The following CCDC136 variants were observed in gnomAD, a reference collection of about 807,000 sequenced individuals.
CCDC136 encodes the protein coiled-coil domain-containing protein 136.
A neutral mutation model predicts 141.2 loss-of-function variants in CCDC136; 100 were observed. That is an observed-to-expected ratio of 0.71 (90% CI 0.60 to 0.84). The LOEUF is 0.84. CCDC136 is among the 40% of genes least tolerant of loss of function. The probability of loss-of-function intolerance (pLI) is 0.00; values close to 1 mark genes in which losing one functional copy is unlikely to be tolerated. For synonymous variants in CCDC136, 474 were observed against 531.9 expected, an observed-to-expected ratio of 0.89 and a Z score of 1.50; for missense variants, 1,206 against 1,379.4, an observed-to-expected ratio of 0.87 and a Z score of 1.99.
chr7:128,795,313 C>T (rs1802776625), intron 3 of CCDC136, among the ~76,000 whole-genome samples: 3 of 152,068 alleles, frequency 2.0e-5, no homozygotes, highest in Admixed American at 2.0e-4. Context: ...ACCCACGTCC[C>T]TTTGTCTCTG....
Position 128,797,099 on chromosome 7 carries a change from A to G in CCDC136, c.346+2331A>G, listed in dbSNP as rs1301782199. 2.6e-5 allele frequency among the ~76,000 whole-genome samples: 4 copies of G among 152,164 alleles called. No individual in the cohort carries two copies. In the East Asian group the frequency reaches 7.7e-4, roughly 29 times the overall value. Reference sequence around the variant, plus strand: ...TTGCTAATGAATTCGATCAGGGGATAACAGAGACATGAAAGATGACTTTGC... The same window carrying G: ...TTGCTAATGAATTCGATCAGGGGATGACAGAGACATGAAAGATGACTTTGC... On this transcript the variant is annotated intron_variant, in intron 3 of 17. Transcript: ENST00000297788.
intron 13 of CCDC136, 47 bp downstream of exon 13, chr7:128,812,359 G>A: frequency 6.4e-7 from 1 of 1,561,714 alleles, no homozygotes; most frequent in Non-Finnish European, 8.7e-7. Context: ...ATGGACTCTT[G>A]TCTTTTTAAG....
rs943979148 is a variant in CCDC136, at chr7:128,806,365, A to G, written c.1218A>G (p.Lys406=). ...QTELRQLKVM[K]STLVENQSEK... is the part of the protein sequence containing the mutation. ...AGCTCCGGCAGCTCAAAGTCATGAA[A>G]TCCACACTTGTAGAAAACCAGAGTG... Residue 406 remains lysine (K), a synonymous_variant, in exon 8 of 18, where the codon AAA becomes AAG. Coordinates refer to ENST00000297788, the MANE Select transcript of CCDC136 (RefSeq NM_022742.5). 6.2e-7 allele frequency: 1 copy of G among 1,605,560 alleles called. No homozygotes were observed. The highest frequency in any genetic ancestry group is 8.5e-7 in the Non-Finnish European group (1 of 1,175,916).
upstream of CCDC136, chr7:128,791,329 A>C: frequency 2.6e-6 from 1 of 382,666 alleles, no homozygotes; most frequent in Non-Finnish European, 4.4e-6. The surrounding 1 kb of genome is among the most constrained non-coding windows in gnomAD (Gnocchi z 7.1). Flanking sequence ...GAGTGCTGGG[A>C]GGGCTTCCGG....
intron 17 of CCDC136, among the ~76,000 whole-genome samples, chr7:128,820,304 G>T (rs1807263827): frequency 6.6e-6 from 1 of 152,166 alleles, no homozygotes; most frequent in African/African-American, 2.4e-5. Flanking sequence ...AAAGATCATA[G>T]AAAATTCTGT....
chr7:128,811,838 G>A lies in CCDC136; in HGVS notation c.2067G>A (p.Gln689=). 1 of 1,605,778 alleles carries A rather than the reference G, an allele frequency of 6.2e-7. No homozygotes were observed. The highest frequency in any genetic ancestry group is 1.1e-5 in the South Asian group (1 of 89,824). Residue 689 remains glutamine, a synonymous_variant, in exon 13 of 18, where the codon CAG becomes CAA. Transcript: ENST00000297788. ...TCATGGAGCAGATGCAGGCCCTGCA[G>A]GTGATGTATGACGCCGGTCAGGCGA... is the stretch of plus-strand genomic sequence containing the variant. ...KLLMEQMQAL[Q]VMYDAGQAKQ... is the part of the protein sequence containing the mutation.
rs1486569275 is a variant in CCDC136, at chr7:128,807,542, TAAG to T, written c.1603_1605del (p.Lys535del). 1 of 1,429,622 alleles carries T rather than the reference TAAG, an allele frequency of 7.0e-7. No homozygotes were observed. The allele number at this position is 1,429,622 out of a possible 1,614,324, so 88.6% of individuals were successfully genotyped here. A position where few individuals can be genotyped will look rare whatever the true frequency, so the allele number is the denominator to read the frequency against. ...CGGAGGACAAAGGAAAGTGTGCTAA[TAAG>T]GTAATTGTCGTTCAGAGAGGTGACA... On this transcript the variant is annotated inframe_deletion and splice_region_variant, in exon 10 of 18. Transcript: ENST00000297788.
In CCDC136 at chr7:128,806,264, A is replaced by G. The variant is rs1204226824; in HGVS notation, c.1117A>G (p.Thr373Ala). 1.3e-6 allele frequency: 2 copies of G among 1,575,864 alleles called. No homozygotes were observed. Among genetic ancestry groups the G allele is most frequent in the East Asian group, 2.3e-5 (1 of 43,124 alleles). ...QNEELKSRLCTLQKKYDTSQD... is the reference protein window; with the variant it reads ...QNEELKSRLCALQKKYDTSQD... Reference sequence around the variant, plus strand: ...TGAGGAGCTGAAGTCCAGACTCTGTACCCTGCAGAAAAAATATGATACTAG... The same window carrying G: ...TGAGGAGCTGAAGTCCAGACTCTGTGCCCTGCAGAAAAAATATGATACTAG... Residue 373 changes from threonine (T) to alanine (A), a missense_variant, in exon 8 of 18, where the codon ACC (threonine) becomes GCC (alanine). Transcript: ENST00000297788.
intron 1 of CCDC136, 109 bp downstream of exon 1, chr7:128,792,536 A>C: frequency 1.3e-6 from 1 of 764,492 alleles, no homozygotes; most frequent in Non-Finnish European, 2.1e-6. Flanking sequence ...CCCTTCCCTC[A>C]GTTCATCTTA....
rs574070118 is a variant in CCDC136, at chr7:128,806,673, C to G, written c.1249-15C>G. On this transcript the variant is annotated splice_polypyrimidine_tract_variant and intron_variant, in intron 8 of 17. Coordinates refer to ENST00000297788, the MANE Select transcript of CCDC136 (RefSeq NM_022742.5). ...AGGAGCCCAAAGGCACTGCCCAAAG[C>G]CCCCTCTACCATAGGAGTTACTGTG... is the stretch of plus-strand genomic sequence containing the variant. The G allele has an allele frequency of 6.2e-7, 1 of 1,604,662 alleles. No homozygotes were observed. The highest frequency in any genetic ancestry group is 2.2e-5 in the East Asian group (1 of 44,722).
chr7:128,810,411 A>AGCATGGCAGAGAGAGTGG, intron 12 of CCDC136, 45 bp downstream of exon 12: 1 of 1,393,158 alleles, frequency 7.2e-7, no homozygotes. Flanking sequence ...TGAGCACAAC[A>AGCATGGCAGAGAGAGTGG]GCATGGCAGA....
chr7:128,815,998 T>C, intron 16 of CCDC136, 67 bp downstream of exon 16: 1 of 1,476,368 alleles, frequency 6.8e-7, no homozygotes, highest in African/African-American at 1.4e-5. Flanking sequence ...TCCGAGTTAA[T>C]GGGTGGCCCT....
chr7:128,812,661 C>A, intron 13 of CCDC136, 47 bp from the exon 14 acceptor site: 1 of 1,456,440 alleles, frequency 6.9e-7, no homozygotes, highest in Non-Finnish European at 9.5e-7. Context: ...TAGGGCGGAG[C>A]TTAGGTGCTC....
chr7:128,815,458 C>G (rs1215089501), intron 15 of CCDC136, among the ~76,000 whole-genome samples, 156 bp from the exon 16 acceptor site: 1 of 152,148 alleles, frequency 6.6e-6, no homozygotes, highest in Non-Finnish European at 1.5e-5. Context: ...TCTACATATG[C>G]TCAGGGGATT....
At chr7:128,804,892 G>T in intron 5 of CCDC136, 131 bp downstream of exon 5, 1 of 617,824 alleles carries the variant, frequency 1.6e-6, no homozygotes, top group Non-Finnish European at 2.9e-6. Context: ...CCTTTCCATG[G>T]TTTCCAAAGG....
At chr7:128,800,540 C>T (rs1444466834) in intron 3 of CCDC136, among the ~76,000 whole-genome samples, 3 of 152,098 alleles carry the variant, frequency 2.0e-5, no homozygotes, top group South Asian at 4.1e-4. Context: ...AGTGATCCAC[C>T]TGCCTTGGCC....
Position 128,806,838 on chromosome 7 carries a change from T to C in CCDC136, c.1399T>C (p.Phe467Leu), listed in dbSNP as rs762927367. The change falls in exon 9 of 18, where the codon TTC becomes CTC. Residue 467 changes from phenylalanine (F) to leucine (L), a missense_variant. By Grantham distance (22) the Phe-to-Leu change is conservative. Coordinates refer to ENST00000297788, the MANE Select transcript of CCDC136 (RefSeq NM_022742.5). ...GCACCTCAGGGATACGGTGGCCTCC[T>C]TCAAAGAGAGCAATGAGAAGGTAAA... The part of the protein sequence containing the change: ...LQHLRDTVAS[F>L]KESNEKDTET... 6.2e-7 allele frequency: 1 copy of C among 1,608,242 alleles called. No homozygotes were observed. Among genetic ancestry groups the C allele is most frequent in the East Asian group, 2.2e-5 (1 of 44,796 alleles).
In CCDC136 at chr7:128,810,309, G is replaced by C; in HGVS notation, c.1971G>C (p.Val657=). The C allele has an allele frequency of 6.2e-7, 1 of 1,614,044 alleles. No individual in the cohort carries two copies. The highest frequency in any genetic ancestry group is 8.5e-7 in the Non-Finnish European group (1 of 1,179,892). The stretch of plus-strand genomic sequence containing the variant: ...TCAAAGAGTCTCATTTCCAGGAAGT[G>C]TTGGAGAATCCCGATGATTCCAAAT... ...RRFKESHFQE[V]LENPDDSKLA... The change falls in exon 12 of 18, where the codon GTG becomes GTC. Residue 657 remains valine (V), a synonymous_variant. Transcript: ENST00000297788.
chr7:128,805,299 A>G lies in CCDC136; in HGVS notation c.783-60A>G, dbSNP rs1804661863. 2.7e-6 allele frequency: 4 copies of G among 1,496,196 alleles called. No individual in the cohort carries two copies. The highest frequency in any genetic ancestry group is 3.5e-5 in the Admixed American group (2 of 57,052). The allele number at this position is 1,496,196 out of a possible 1,614,324, so 92.7% of individuals were successfully genotyped here. A position where few individuals can be genotyped will look rare whatever the true frequency, so the allele number is the denominator to read the frequency against. On this transcript the variant is annotated intron_variant, in intron 5 of 17. Transcript: ENST00000297788. The surrounding 1 kb of genome is among the most constrained non-coding windows in gnomAD (Gnocchi z 4.6). ...ATGAAGGTATCAGGACAAAGCCTGC[A>G]TGGCTGGTGATGCCAGGCAGAACTC... is the stretch of plus-strand genomic sequence containing the variant.
Sources: gnomAD v4.1 joint callset for allele counts (sites outside exome capture counted in the v4.1 genomes callset) on GRCh38, gnomAD v4.1.1 for gene constraint, Gnocchi (gnomAD v3.1) non-coding constraint, MANE v1.5 for transcripts, NCBI Gene and HGNC (gene_info 2026-07-23, HGNC 2026-07-21) for gene names.